Variants in IDUA observed in about 807,000 individuals in gnomAD.
IDUA encodes the protein iduronidase alpha-L-.
Under a neutral mutation model 68.9 loss-of-function variants are expected in IDUA, and 65 were observed. That is an observed-to-expected ratio of 0.94 (90% CI 0.77 to 1.16). The LOEUF is 1.16. IDUA is among the 50% of genes most tolerant of loss of function. The pLI, the probability that IDUA is intolerant of heterozygous loss-of-function variation, is 0.00. For synonymous variants in IDUA, 529 were observed against 433.6 expected (o/e 1.22, Z -2.73); for missense variants, 1,046 against 938.0 (o/e 1.12, Z -1.50).
At position 1,003,532 on chromosome 4, in the gene IDUA, G is replaced by A. The variant is rs55731404; in HGVS notation, c.1651-17G>A. On this transcript the variant is annotated splice_polypyrimidine_tract_variant and intron_variant, in intron 11 of 13. Coordinates refer to ENST00000514224, the MANE Select transcript of IDUA (RefSeq NM_000203.5). Reference sequence around the variant, plus strand: ...ACTCCCCTTCCCCGACGCCATCACAGCCCTTCCCTCCCCCAGGTCACGCGG... The same window carrying A: ...ACTCCCCTTCCCCGACGCCATCACAACCCTTCCCTCCCCCAGGTCACGCGG... The A allele has an allele frequency of 6.2e-7, 1 of 1,610,004 alleles. No homozygotes were observed. Among genetic ancestry groups the A allele is most frequent in the Admixed American group, 1.7e-5 (1 of 59,942 alleles).
chr4:991,488 G>A (rs763729685), intron 2 of IDUA: 5 of 1,610,708 alleles, frequency 3.1e-6, no homozygotes, highest in Middle Eastern at 1.7e-4. Flanking sequence ...CAGACATGAC[G>A]TCGCCTGCCA....
chr4:1,004,196 T>C lies in IDUA; in HGVS notation c.1829-64T>C. 6.2e-7 allele frequency: 1 copy of C among 1,611,008 alleles called. No homozygotes were observed. Among genetic ancestry groups the C allele is most frequent in the Non-Finnish European group, 8.5e-7 (1 of 1,179,564 alleles). ...TACTGGGTGGGGGCCTCGAGAAGCCTGGGGTCAGGGGGCTTTCGGGTGGGG... is the reference window on the plus strand; with the variant it reads ...TACTGGGTGGGGGCCTCGAGAAGCCCGGGGTCAGGGGGCTTTCGGGTGGGG... On this transcript the variant is annotated intron_variant, in intron 13 of 13. Coordinates refer to ENST00000514224, the MANE Select transcript of IDUA (RefSeq NM_000203.5). This position sits in a 1 kb window ranked among gnomAD's most constrained non-coding sequence, Gnocchi z 5.0.
chr4:987,423 G>A (rs1195271986), intron 1 of IDUA, among the ~76,000 whole-genome samples, 181 bp downstream of exon 1: 2 of 152,078 alleles, frequency 1.3e-5, no homozygotes, highest in Non-Finnish European at 2.9e-5. Flanking sequence ...GCCGGGGCGT[G>A]AGCCTGGGCC....
At chr4:999,183 C>G (rs755004238) in intron 2 of IDUA, among the ~76,000 whole-genome samples, 1 of 147,582 alleles carries the variant, frequency 6.8e-6, no homozygotes, top group South Asian at 2.2e-4. Context: ...CCAGGCTGGG[C>G]AACAGAGTGA....
At chr4:989,199 C>T (rs370978800) in intron 2 of IDUA, 41 of 1,607,654 alleles carry the variant, frequency 2.6e-5, no homozygotes, top group Admixed American at 3.3e-5. Flanking sequence ...CACCGACCCC[C>T]GTCTCTGAGC....
At chr4:988,641 GTGTT>G (rs2153016055) in intron 2 of IDUA, 5 of 1,393,768 alleles carry the variant, frequency 3.6e-6, no homozygotes, top group Middle Eastern at 5.3e-4. Context: ...TGATTTCTGA[GTGTT>G]TGGGTCCTGC....
chr4:998,361 T>C (rs1714869420), intron 2 of IDUA, among the ~76,000 whole-genome samples: 1 of 152,110 alleles, frequency 6.6e-6, no homozygotes, highest in Non-Finnish European at 1.5e-5. Context: ...GGGGGTGCTG[T>C]GGCATGGGGA....
intron 1 of IDUA, chr4:987,531 G>T: frequency 9.9e-7 from 1 of 1,008,032 alleles, no homozygotes; most frequent in Non-Finnish European, 1.4e-6. Context: ...GACCTGGCCT[G>T]CCTGTCCCAT....
intron 2 of IDUA, chr4:991,744 G>A: frequency 6.5e-7 from 1 of 1,528,286 alleles, no homozygotes; most frequent in Non-Finnish European, 8.7e-7. Context: ...CGGCCGAGAA[G>A]AGGGCATGGT....
Position 998,774 on chromosome 4 carries a change from G to A in IDUA, c.300-1838G>A, listed in dbSNP as rs911666400. Among the ~76,000 whole-genome samples the A allele has an allele frequency of 3.6e-5, 5 of 137,992 alleles. No homozygotes were observed. The South Asian group carries it at 7.5e-4, about 21-fold the overall frequency. The allele number at this position is 137,992 out of a possible 152,430, so 90.5% of individuals were successfully genotyped here. A position where few individuals can be genotyped will look rare whatever the true frequency, so the allele number is the denominator to read the frequency against. ...GCTGAAATCCACAGTTGCCCTGTAC[G>A]ACCCCCCGACCCCCCACCTCACCCC... On this transcript the variant is annotated intron_variant, in intron 2 of 13. Coordinates refer to ENST00000514224, the MANE Select transcript of IDUA (RefSeq NM_000203.5).
chr4:988,993 C>T (rs1161354804), intron 2 of IDUA: 2 of 1,592,792 alleles, frequency 1.3e-6, no homozygotes, highest in Non-Finnish European at 1.7e-6. Context: ...AGGCGGGCTG[C>T]AGCAGGCTAG....
chr4:996,441 G>T (rs1435691659), intron 2 of IDUA, among the ~76,000 whole-genome samples: 1 of 152,218 alleles, frequency 6.6e-6, no homozygotes, highest in East Asian at 1.9e-4. Context: ...GGGGTGGGCA[G>T]TGCCACCTGG....
chr4:990,032 T>C, intron 2 of IDUA: 1 of 1,595,312 alleles, frequency 6.3e-7, no homozygotes, highest in Non-Finnish European at 8.5e-7. Flanking sequence ...GACACGAGTG[T>C]GGCCACCACG....
rs2153021998 is a variant in IDUA, at chr4:1,001,716, G to A, written c.627G>A (p.Leu209=). 1.3e-6 allele frequency: 2 copies of A among 1,599,136 alleles called. No individual in the cohort carries two copies. Among genetic ancestry groups the A allele is most frequent in the Non-Finnish European group, 1.7e-6 (2 of 1,178,712 alleles). ...ACTACGATGCCTGCTCGGAGGGTCTGCGCGCCGCCAGCCCCGCCCTGCGGC... is the reference window on the plus strand; with the variant it reads ...ACTACGATGCCTGCTCGGAGGGTCTACGCGCCGCCAGCCCCGCCCTGCGGC... ...LNYYDACSEG[L]RAASPALRLG... Residue 209 remains leucine, a synonymous_variant, in exon 6 of 14, where the codon CTG becomes CTA. Coordinates refer to ENST00000514224, the MANE Select transcript of IDUA (RefSeq NM_000203.5).
chr4:998,783 A>ACCCCCCC (rs148444493), intron 2 of IDUA, among the ~76,000 whole-genome samples: 1 of 120,756 alleles, frequency 8.3e-6, no homozygotes, highest in African/African-American at 3.3e-5. Flanking sequence ...CGACCCCCCG[A>ACCCCCCC]CCCCCCACCT....
At chr4:989,213 C>A (rs769404125) in intron 2 of IDUA, 4 of 1,610,130 alleles carry the variant, frequency 2.5e-6, no homozygotes, top group East Asian at 4.5e-5. Context: ...TCTGAGCCCC[C>A]CTCCTTCCTC....
chr4:1,002,931 G>A lies in IDUA; in HGVS notation c.1389G>A (p.Val463=), dbSNP rs1207419868. Residue 463 remains valine (V), a synonymous_variant, in exon 9 of 14, where the codon GTG becomes GTA. Coordinates refer to ENST00000514224, the MANE Select transcript of IDUA (RefSeq NM_000203.5). ...CGGTGACCCTGCGGCTGCGCGGGGT[G>A]CCCCCCGGCCCGGGTAAGCCGGGGT... The part of the protein sequence containing the change: ...SVAVTLRLRG[V]PPGPGLVYVT... 1.5e-6 allele frequency: 2 copies of A among 1,359,226 alleles called. No individual in the cohort carries two copies. The highest frequency in any genetic ancestry group is 1.5e-5 in the African/African-American group (1 of 65,008). The allele number at this position is 1,359,226 out of a possible 1,614,324, so 84.2% of individuals were successfully genotyped here.
chr4:1,003,560 C>G lies in IDUA; in HGVS notation c.1662C>G (p.Leu554=), dbSNP rs1051037909. The G allele has an allele frequency of 6.2e-7, 1 of 1,612,106 alleles. No individual in the cohort carries two copies. The highest frequency in any genetic ancestry group is 8.5e-7 in the Non-Finnish European group (1 of 1,179,796). Residue 554 remains leucine, a synonymous_variant, in exon 12 of 14, where the codon CTC becomes CTG. Transcript: ENST00000514224. ...CTTCCCTCCCCCAGGTCACGCGGCT[C>G]CGCGCCCTGCCCCTGACCCAAGGGC... ...PEKPPGQVTR[L]RALPLTQGQL... is the part of the protein sequence containing the mutation.
rs761530861 is a variant in IDUA, at chr4:989,859, C to T, written c.299+1910C>T. 14 of 1,576,500 alleles carry T rather than the reference C, an allele frequency of 8.9e-6. No homozygotes were observed. Among genetic ancestry groups the T allele is most frequent in the South Asian group, 3.5e-5 (3 of 86,166 alleles). The stretch of plus-strand genomic sequence containing the variant: ...AGCCGTGACTGCGGGCGAACATCTC[C>T]GCCAGCGAGATGGAGAAGGCGGCAG... On this transcript the variant is annotated intron_variant, in intron 2 of 13. Transcript: ENST00000514224.
Sources: allele counts gnomAD v4.1 joint callset (sites outside exome capture counted in the v4.1 genomes callset), GRCh38; gene constraint gnomAD v4.1.1; non-coding constraint Gnocchi (gnomAD v3.1); transcripts MANE v1.5; gene names NCBI Gene and HGNC (gene_info 2026-07-23, HGNC 2026-07-21).